CBLB: variants seen among roughly 807,000 people sequenced by gnomAD.
CBLB encodes the protein Cbl proto-oncogene B, also known as E3 ubiquitin-protein ligase CBL-B.
In CBLB, 31 loss-of-function variants were observed where a neutral mutation model predicts 104.9. The observed-to-expected ratio is 0.30, with a 90% confidence interval of 0.22 to 0.40. The LOEUF (loss-of-function observed/expected upper bound fraction) is 0.40. Ranked by LOEUF, CBLB falls within the 10% of genes least tolerant of loss-of-function variation. The pLI, the probability that CBLB is intolerant of heterozygous loss-of-function variation, is 1.00. For missense variants in CBLB, 1,062 were observed against 1,214.6 expected, an observed-to-expected ratio of 0.87 and a Z score of 1.87; for synonymous variants, 440 against 422.6, an observed-to-expected ratio of 1.04 and a Z score of -0.51.
chr3:105,825,113 G>C (rs1042117421), intron 3 of CBLB, among the ~76,000 whole-genome samples: 5 of 152,228 alleles, frequency 3.3e-5, no homozygotes, highest in Admixed American at 6.5e-5. Flanking sequence ...TGCTCCATGA[G>C]GACTGCATCT....
intron 7 of CBLB, among the ~76,000 whole-genome samples, chr3:105,740,042 G>A (rs2075369669): frequency 1.3e-5 from 2 of 152,194 alleles, no homozygotes; most frequent in African/African-American, 4.8e-5. Context: ...GGCGGAGGTT[G>A]CAGTGAGCAG....
intron 9 of CBLB, among the ~76,000 whole-genome samples, chr3:105,728,983 G>C (rs929582122): frequency 7.2e-5 from 11 of 152,118 alleles, no homozygotes; most frequent in Admixed American, 4.6e-4. Flanking sequence ...GCATCAGATG[G>C]AAGGAAAAGT....
At chr3:105,736,997 T>C (rs762282931) in intron 8 of CBLB, among the ~76,000 whole-genome samples, 174 bp downstream of exon 8, 38 of 152,282 alleles carry the variant, frequency 2.5e-4, no homozygotes, top group Non-Finnish European at 3.1e-4. Context: ...CATAAATTTG[T>C]ATCAAAAAAT....
intron 4 of CBLB, among the ~76,000 whole-genome samples, chr3:105,770,752 G>T (rs1372353402): frequency 6.6e-6 from 1 of 152,156 alleles, no homozygotes; most frequent in Non-Finnish European, 1.5e-5. Flanking sequence ...CCTGGGGCAG[G>T]TCTGAGTTCT....
chr3:105,678,359 T>G, intron 17 of CBLB, 72 bp downstream of exon 17: 2 of 1,431,502 alleles, frequency 1.4e-6, no homozygotes, highest in Non-Finnish European at 9.9e-7. Flanking sequence ...ATCACTAACA[T>G]TTATTTGATA....
intron 3 of CBLB, among the ~76,000 whole-genome samples, chr3:105,822,127 G>T (rs1276098658): frequency 1.3e-5 from 2 of 151,888 alleles, no homozygotes; most frequent in East Asian, 3.9e-4. Flanking sequence ...TTATTCATCT[G>T]CAACTATAAT....
At chr3:105,827,638 G>A (rs2086798690) in intron 3 of CBLB, among the ~76,000 whole-genome samples, 2 of 152,082 alleles carry the variant, frequency 1.3e-5, no homozygotes, top group Non-Finnish European at 2.9e-5. Flanking sequence ...AGACATGAGG[G>A]AGGAAGACAA....
chr3:105,795,748 GT>G (rs1390139869), intron 3 of CBLB, among the ~76,000 whole-genome samples: 1 of 151,970 alleles, frequency 6.6e-6, no homozygotes, highest in African/African-American at 2.4e-5. Flanking sequence ...GTTTGTTTTT[GT>G]TTTTGTTTTT....
chr3:105,805,037 A>T (rs1490639253), intron 3 of CBLB, among the ~76,000 whole-genome samples: 1 of 152,098 alleles, frequency 6.6e-6, no homozygotes, highest in Non-Finnish European at 1.5e-5. Context: ...CCTTACCATC[A>T]CTTATCCAAA....
At chr3:105,804,310 G>T (rs148718578) in intron 3 of CBLB, among the ~76,000 whole-genome samples, 317 of 150,112 alleles carry the variant, frequency 2.1e-3, no homozygotes, top group Admixed American at 3.3e-3. Context: ...CACAAGGCCA[G>T]GAGTTCAAGA....
chr3:105,722,870 T>C (rs538208547), intron 9 of CBLB, among the ~76,000 whole-genome samples: 19 of 152,352 alleles, frequency 1.2e-4, no homozygotes, highest in South Asian at 6.2e-4. Context: ...TAGATTTTTC[T>C]CTATGCTACT....
chr3:105,720,301 C>G, intron 9 of CBLB, 51 bp from the exon 10 acceptor site: 1 of 1,481,192 alleles, frequency 6.8e-7, no homozygotes. Context: ...TAAACAGTAC[C>G]GAGAAATGCT....
At chr3:105,811,267 T>C (rs1307496304) in intron 3 of CBLB, among the ~76,000 whole-genome samples, 1 of 152,210 alleles carries the variant, frequency 6.6e-6, no homozygotes, top group African/African-American at 2.4e-5. Flanking sequence ...TTAGTATCTT[T>C]CAATATTGTA....
chr3:105,792,939 T>A (rs893081012), intron 3 of CBLB, among the ~76,000 whole-genome samples: 1 of 152,126 alleles, frequency 6.6e-6, no homozygotes, highest in Admixed American at 6.5e-5. Flanking sequence ...AATAAAAAAG[T>A]ATTTTCTCCA....
chr3:105,748,360 T>A (rs2076298432), intron 5 of CBLB, among the ~76,000 whole-genome samples: 1 of 152,164 alleles, frequency 6.6e-6, no homozygotes, highest in Non-Finnish European at 1.5e-5. Context: ...AACTGAGGAC[T>A]TTCCTCTTCT....
intron 4 of CBLB, among the ~76,000 whole-genome samples, chr3:105,764,494 C>T (rs1188431081): frequency 6.6e-6 from 1 of 152,094 alleles, no homozygotes; most frequent in Non-Finnish European, 1.5e-5. Flanking sequence ...CCATGTAAGA[C>T]AGCAAACTTA....
intron 3 of CBLB, among the ~76,000 whole-genome samples, chr3:105,812,037 A>G (rs565184364): frequency 1.3e-5 from 2 of 151,878 alleles, no homozygotes; most frequent in East Asian, 3.9e-4. Context: ...TTTTTTAAAT[A>G]CTTGGTCTCC....
rs191967583 is a variant in CBLB at position 105,758,551 on chromosome 3, C to T, written c.567-6933G>A. ...GGCTCATTCCACTGACTCAACCTGGCGGGCCACGCTCACCATGCACTACCA... is the reference window on the plus strand; with the variant it reads ...GGCTCATTCCACTGACTCAACCTGGTGGGCCACGCTCACCATGCACTACCA... On this transcript the variant is annotated intron_variant, in intron 4 of 18. Transcript: ENST00000394030. Among the ~76,000 whole-genome samples the T allele has an allele frequency of 2.2e-3, 332 of 152,250 alleles. 4 individuals are homozygous for T. The highest frequency in any genetic ancestry group is 4.0e-3 in the Non-Finnish European group (274 of 67,988).
intron 18 of CBLB, among the ~76,000 whole-genome samples, chr3:105,664,714 G>T (rs2064177829): frequency 6.6e-6 from 1 of 152,116 alleles, no homozygotes; most frequent in Admixed American, 6.6e-5. Context: ...ACCAGAGATC[G>T]ATTTCGCTCA....
Sources: allele counts gnomAD v4.1 joint callset (sites outside exome capture counted in the v4.1 genomes callset), GRCh38; gene constraint gnomAD v4.1.1; transcripts MANE v1.5; gene names NCBI Gene and HGNC (gene_info 2026-07-23, HGNC 2026-07-21).